The following DNAH11 variants were observed in gnomAD, a reference collection of about 807,000 sequenced individuals.
DNAH11 encodes dynein axonemal heavy chain 11.
A neutral mutation model predicts 526.0 loss-of-function variants in DNAH11; 442 were observed. That is an observed-to-expected ratio of 0.84 (90% confidence interval 0.78 to 0.91). The LOEUF is 0.91. Among genes scored for constraint, DNAH11 ranks in the 40% least tolerant of loss-of-function variants. The pLI, the probability that DNAH11 is intolerant of heterozygous loss-of-function variation, is 0.00. For missense variants in DNAH11, 6,989 were observed against 5,448.7 expected (o/e 1.28, Z -8.90); for synonymous variants, 2,461 against 1,935.9 (o/e 1.27, Z -7.12).
At chr7:21,590,122 T>C (rs565370565) in intron 12 of DNAH11, among the ~76,000 whole-genome samples, 2 of 152,330 alleles carry the variant, frequency 1.3e-5, no homozygotes, top group South Asian at 2.1e-4. Flanking sequence ...ATAATTTCAT[T>C]ACATGTTATG....
chr7:21,868,873 T>G lies in DNAH11; in HGVS notation c.11849T>G (p.Leu3950Arg). 6.2e-7 allele frequency: 1 copy of G among 1,613,954 alleles called. No homozygotes were observed. Among genetic ancestry groups the G allele is most frequent in the Non-Finnish European group, 8.5e-7 (1 of 1,179,850 alleles). Residue 3950 changes from leucine to arginine, a missense_variant, in exon 73 of 82, where the codon CTT (leucine) becomes CGT (arginine). Coordinates refer to ENST00000409508, the MANE Select transcript of DNAH11 (RefSeq NM_001277115.2). ...GTGTATTCTCCCACAGGCAAAAGAC[T>G]TGGCTTTACAATTGACTCTGGAAAA... Reference protein sequence around the residue: ...LKDLEILGKRLGFTIDSGKFH... With the variant: ...LKDLEILGKRRGFTIDSGKFH...
chr7:21,728,980 C>T (rs1785259928), intron 45 of DNAH11, among the ~76,000 whole-genome samples: 1 of 152,252 alleles, frequency 6.6e-6, no homozygotes, highest in African/African-American at 2.4e-5. Flanking sequence ...GGCAGCAGCC[C>T]TGTCCCTGGG....
At chr7:21,576,885 G>A (rs903787653) in intron 8 of DNAH11, among the ~76,000 whole-genome samples, 1 of 152,160 alleles carries the variant, frequency 6.6e-6, no homozygotes, top group Non-Finnish European at 1.5e-5. Flanking sequence ...CAGGCAGAAA[G>A]AGAAATGTGT....
intron 54 of DNAH11, among the ~76,000 whole-genome samples, chr7:21,752,386 T>G (rs1340605748): frequency 6.6e-6 from 1 of 152,218 alleles, no homozygotes; most frequent in Non-Finnish European, 1.5e-5. Flanking sequence ...ATATCCAGTA[T>G]GGCAGAGGTG....
intron 56 of DNAH11, among the ~76,000 whole-genome samples, chr7:21,775,118 C>G (rs184528306): frequency 1.7e-4 from 26 of 152,260 alleles, no homozygotes; most frequent in African/African-American, 5.5e-4. Context: ...GCCTCTTTTT[C>G]TCTTAGTTTT....
rs188917169 is a variant in DNAH11, at chr7:21,636,610, A to G, written c.4725+515A>G. On this transcript the variant is annotated intron_variant, in intron 26 of 81. Transcript: ENST00000409508. ...ATAATTGGCTAGGCAAGGTGGCCCA[A>G]GCTTGCAGTCCTAGCTACTTGGGAG... 3.3e-5 allele frequency among the ~76,000 whole-genome samples: 5 copies of G among 152,138 alleles called. No homozygotes were observed. The East Asian group carries it at 7.8e-4, about 24-fold the overall frequency.
chr7:21,595,160 G>T (rs1160844682), intron 14 of DNAH11, among the ~76,000 whole-genome samples: 2 of 152,308 alleles, frequency 1.3e-5, no homozygotes, highest in Admixed American at 1.3e-4. Flanking sequence ...TTCTGGCAAG[G>T]CCCCTCTTCT....
At chr7:21,568,363 T>A (rs75381999) in intron 6 of DNAH11, among the ~76,000 whole-genome samples, 16,125 of 152,056 alleles carry the variant, frequency 0.11, 1,622 homozygotes, top group East Asian at 0.29. Flanking sequence ...ATTTAGAGTT[T>A]ATGAGCTAAA....
intron 56 of DNAH11, among the ~76,000 whole-genome samples, chr7:21,775,507 A>G (rs1157938151): frequency 1.3e-5 from 2 of 151,972 alleles, no homozygotes; most frequent in African/African-American, 2.4e-5. Context: ...AGACCCAGCC[A>G]CTTGAAAGGC....
At chr7:21,638,010 A>G (rs1786950556) in intron 27 of DNAH11, among the ~76,000 whole-genome samples, 1 of 149,728 alleles carries the variant, frequency 6.7e-6, no homozygotes, top group South Asian at 2.1e-4. Flanking sequence ...TATCCTGTAA[A>G]TATTGATTGA....
chr7:21,856,313 C>T (rs1583778442), intron 68 of DNAH11, among the ~76,000 whole-genome samples: 3 of 152,016 alleles, frequency 2.0e-5, no homozygotes, highest in East Asian at 1.9e-4. Flanking sequence ...ATCATTGGCT[C>T]CTGGAGATGG....
At chr7:21,754,198 G>T (rs1458530374) in intron 54 of DNAH11, among the ~76,000 whole-genome samples, 3 of 152,102 alleles carry the variant, frequency 2.0e-5, no homozygotes, top group African/African-American at 4.8e-5. Flanking sequence ...CTTTAATGGG[G>T]ATGTGTCTAA....
intron 30 of DNAH11, among the ~76,000 whole-genome samples, chr7:21,659,539 T>G (rs1358180919): frequency 6.6e-6 from 1 of 152,084 alleles, no homozygotes; most frequent in Non-Finnish European, 1.5e-5. Context: ...TAATATGTGC[T>G]GTGAGCTATA....
chr7:21,574,358 C>A (rs1001855400), intron 8 of DNAH11, among the ~76,000 whole-genome samples: 6 of 152,098 alleles, frequency 3.9e-5, no homozygotes, highest in Admixed American at 3.9e-4. Context: ...TACTGGATGC[C>A]AGGCGTTGTG....
intron 73 of DNAH11, among the ~76,000 whole-genome samples, chr7:21,869,244 T>A (rs1367383565): frequency 6.6e-6 from 1 of 152,190 alleles, no homozygotes; most frequent in Non-Finnish European, 1.5e-5. Flanking sequence ...AACTTCGTCG[T>A]TCCCCTCACT....
At chr7:21,659,117 C>G in intron 30 of DNAH11, 86 bp downstream of exon 30, 1 of 1,140,698 alleles carries the variant, frequency 8.8e-7, no homozygotes, top group Non-Finnish European at 1.2e-6. Context: ...ATTCATTTAC[C>G]GAGTGTCATC....
chr7:21,686,353 T>C (rs1274451820), intron 32 of DNAH11, among the ~76,000 whole-genome samples: 1 of 152,220 alleles, frequency 6.6e-6, no homozygotes, highest in Non-Finnish European at 1.5e-5. Context: ...CTAGACCTGC[T>C]GTCTGTACTA....
At chr7:21,619,318 C>T (rs1403749875) in intron 24 of DNAH11, 96 bp downstream of exon 24, 3 of 1,420,128 alleles carry the variant, frequency 2.1e-6, no homozygotes, top group African/African-American at 1.4e-5. Flanking sequence ...GTCCTGGGAG[C>T]CTGGAGAGAT....
chr7:21,685,575 T>A (rs1191348203), intron 32 of DNAH11, among the ~76,000 whole-genome samples: 1 of 152,230 alleles, frequency 6.6e-6, no homozygotes, highest in East Asian at 1.9e-4. Flanking sequence ...ATGCTGACCA[T>A]CCCTTTGTGA....
Sources: allele counts gnomAD v4.1 joint callset (sites outside exome capture counted in the v4.1 genomes callset), GRCh38; gene constraint gnomAD v4.1.1; transcripts MANE v1.5; gene names NCBI Gene and HGNC (gene_info 2026-07-23, HGNC 2026-07-21).